The following LTBP1 variants were observed in gnomAD, a reference collection of about 807,000 sequenced individuals.
LTBP1 encodes latent-transforming growth factor beta-binding protein 1.
A neutral mutation model predicts 207.6 loss-of-function variants in LTBP1; 129 were observed. The observed-to-expected ratio is 0.62, with a 90% CI of 0.54 to 0.72. The LOEUF (loss-of-function observed/expected upper bound fraction) is 0.72, where lower values mean the gene tolerates loss of function less well. Ranked by LOEUF, LTBP1 falls within the 30% of genes least tolerant of loss-of-function variation. The pLI, the probability that LTBP1 is intolerant of heterozygous loss-of-function variation, is 0.00. For synonymous variants in LTBP1, 963 were observed against 833.7 expected (o/e 1.16, Z -2.67); for missense variants, 2,281 against 2,217.2 (o/e 1.03, Z -0.58).
At chr2:32,966,088 T>A (rs1019460542) in intron 2 of LTBP1, among the ~76,000 whole-genome samples, 2 of 152,184 alleles carry the variant, frequency 1.3e-5, no homozygotes, top group Non-Finnish European at 2.9e-5. Flanking sequence ...AAATAACATA[T>A]GATGTTGAAC....
intron 9 of LTBP1, among the ~76,000 whole-genome samples, chr2:33,237,701 C>T (rs529722539): frequency 9.2e-5 from 14 of 152,218 alleles, no homozygotes; most frequent in African/African-American, 3.4e-4. Context: ...GTGACTCTAT[C>T]CTGGGGTTGA....
chr2:33,318,159 A>G (rs543752332), intron 24 of LTBP1, among the ~76,000 whole-genome samples: 78 of 152,130 alleles, frequency 5.1e-4, no homozygotes, highest in Admixed American at 1.0e-3. Context: ...AAAAATCCCA[A>G]ATCTGAAATA....
At chr2:33,215,131 G>C (rs923920498) in intron 7 of LTBP1, among the ~76,000 whole-genome samples, 4 of 152,042 alleles carry the variant, frequency 2.6e-5, no homozygotes, top group African/African-American at 9.7e-5. Context: ...GGAGTAGGGA[G>C]CTTTTATCTA....
intron 5 of LTBP1, among the ~76,000 whole-genome samples, chr2:33,178,157 C>T (rs1288652318): frequency 6.6e-6 from 1 of 152,116 alleles, no homozygotes; most frequent in Non-Finnish European, 1.5e-5. Flanking sequence ...GCCTCAATCT[C>T]AAGGTGTTTG....
At chr2:33,198,890 C>T (rs2088873583) in intron 7 of LTBP1, among the ~76,000 whole-genome samples, 2 of 152,158 alleles carry the variant, frequency 1.3e-5, no homozygotes, top group South Asian at 4.1e-4. Flanking sequence ...TTTTGTGTCT[C>T]TATTTCTTTG....
intron 15 of LTBP1, among the ~76,000 whole-genome samples, 180 bp downstream of exon 15, chr2:33,263,572 A>G (rs953814295): frequency 6.6e-6 from 1 of 152,242 alleles, no homozygotes; most frequent in African/African-American, 2.4e-5. Context: ...ATTATAGTAT[A>G]TATGAAACAG....
intron 24 of LTBP1, among the ~76,000 whole-genome samples, chr2:33,331,191 G>T (rs1433874832): frequency 6.6e-6 from 1 of 150,928 alleles, no homozygotes; most frequent in Middle Eastern, 3.5e-3. Flanking sequence ...ATGTGGATTT[G>T]TTTCCTTTGT....
At chr2:33,053,528 C>T (rs576643312) in intron 3 of LTBP1, among the ~76,000 whole-genome samples, 38 of 152,106 alleles carry the variant, frequency 2.5e-4, no homozygotes, top group African/African-American at 5.1e-4. Flanking sequence ...TCCTCGGCCT[C>T]GGCGCCCAGT....
intron 3 of LTBP1, among the ~76,000 whole-genome samples, chr2:33,063,730 A>C (rs2077372199): frequency 6.6e-6 from 1 of 152,168 alleles, no homozygotes; most frequent in Non-Finnish European, 1.5e-5. Flanking sequence ...TTGATGCCTT[A>C]ACAATATTTA....
chr2:33,255,754 A>G (rs892997116), intron 11 of LTBP1, among the ~76,000 whole-genome samples: 9 of 152,356 alleles, frequency 5.9e-5, no homozygotes, highest in African/African-American at 9.6e-5. Flanking sequence ...TTAGCATACT[A>G]TAAGCAGTAT....
At chr2:33,181,278 G>C (rs961521494) in intron 5 of LTBP1, among the ~76,000 whole-genome samples, 7 of 152,170 alleles carry the variant, frequency 4.6e-5, no homozygotes, top group Non-Finnish European at 1.0e-4. Context: ...AATTCAGTTT[G>C]CCCGCATTTA....
chr2:33,209,772 C>T (rs2090158266), intron 7 of LTBP1, among the ~76,000 whole-genome samples: 1 of 151,934 alleles, frequency 6.6e-6, no homozygotes, highest in Non-Finnish European at 1.5e-5. Flanking sequence ...TTAAATAAGC[C>T]CAGGTTTTTA....
intron 9 of LTBP1, among the ~76,000 whole-genome samples, chr2:33,228,324 C>A (rs921610646): frequency 2.0e-5 from 3 of 152,172 alleles, no homozygotes; most frequent in African/African-American, 7.2e-5. Context: ...CAGTTATCTC[C>A]ATTAGCCTTT....
At chr2:33,315,290 T>C in intron 24 of LTBP1, 21 bp downstream of exon 24, 1 of 1,609,422 alleles carries the variant, frequency 6.2e-7, no homozygotes, top group Non-Finnish European at 8.5e-7. Flanking sequence ...CCATACGAAA[T>C]CATATTGTTG....
At chr2:32,950,796 C>G (rs1200511424) in intron 2 of LTBP1, among the ~76,000 whole-genome samples, 1 of 152,178 alleles carries the variant, frequency 6.6e-6, no homozygotes, top group Non-Finnish European at 1.5e-5. Flanking sequence ...TGCTCAAAGG[C>G]TTTAATAAGT....
At chr2:33,367,541 C>T (rs912323296) in intron 31 of LTBP1, among the ~76,000 whole-genome samples, 1 of 152,172 alleles carries the variant, frequency 6.6e-6, no homozygotes, top group African/African-American at 2.4e-5. Flanking sequence ...GTGTATTACT[C>T]CATTCCATAT....
At position 33,300,507 on chromosome 2, in the gene LTBP1, G is replaced by A. The variant is rs148779103; in HGVS notation, c.3292G>A (p.Glu1098Lys). ...LCVNGQCKNT[E>K]GSFRCTCGQG... is the part of the protein sequence containing the mutation. ...TGTAAACGGGCAGTGCAAAAATACC[G>A]AGGGCTCCTTCAGGTGCACCTGTGG... The change falls in exon 21 of 34, where the codon GAG becomes AAG. Residue 1098 changes from glutamate (E) to lysine (K), a missense_variant. Physicochemically the swap from Glu to Lys is moderately conservative, Grantham distance 56 (BLOSUM62 1). Around this residue, in one of 3 missense-constraint regions of LTBP1, gnomAD observed 1,671 missense variants for 1,634.8 expected, o/e 1.02. Coordinates refer to ENST00000404816, the MANE Select transcript of LTBP1 (RefSeq NM_206943.4). The A allele has an allele frequency of 4.7e-5, 76 of 1,613,736 alleles. No homozygotes were observed. The highest frequency in any genetic ancestry group is 3.6e-4 in the South Asian group (33 of 91,052).
chr2:33,398,552 A>C lies in LTBP1; in HGVS notation c.*7A>C. ...AGACAGTGACCTGGAGTGAAACAGA[A>C]TCTACATAACCTAAGCCCATATACT... On this transcript the variant is annotated 3_prime_UTR_variant, in exon 34 of 34. Coordinates refer to ENST00000404816, the MANE Select transcript of LTBP1 (RefSeq NM_206943.4). 1 of 1,612,958 alleles carries C rather than the reference A, an allele frequency of 6.2e-7. No homozygotes were observed. The highest frequency in any genetic ancestry group is 1.1e-5 in the South Asian group (1 of 90,800).
intron 3 of LTBP1, among the ~76,000 whole-genome samples, chr2:33,045,955 C>G (rs892650418): frequency 6.6e-6 from 1 of 152,152 alleles, no homozygotes; most frequent in Non-Finnish European, 1.5e-5. Context: ...GATTTTTGCA[C>G]ATCGAATTTG....
Sources: allele counts gnomAD v4.1 joint callset (sites outside exome capture counted in the v4.1 genomes callset), GRCh38; gene constraint gnomAD v4.1.1; regional missense constraint gnomAD v4.1.1; transcripts MANE v1.5; gene names NCBI Gene and HGNC (gene_info 2026-07-23, HGNC 2026-07-21).